The following FGGY variants were observed in gnomAD, a reference collection of about 807,000 sequenced individuals.
FGGY encodes the protein FGGY carbohydrate kinase domain-containing protein.
In FGGY, 72 loss-of-function variants were observed where a neutral mutation model predicts 71.3. The ratio of observed to expected loss-of-function variants is 1.01; its 90% CI spans 0.84 to 1.23. The LOEUF is 1.23. Ranked by LOEUF, FGGY falls within the 50% of genes most tolerant of loss-of-function variation. The pLI, the probability that FGGY is intolerant of heterozygous loss-of-function variation, is 0.00. For synonymous variants in FGGY, 251 were observed against 250.3 expected (o/e 1.00, Z -0.02); for missense variants, 668 against 682.3 (o/e 0.98, Z 0.23).
intron 3 of FGGY, among the ~76,000 whole-genome samples, chr1:59,342,506 G>A (rs770888725): frequency 3.3e-5 from 5 of 152,144 alleles, no homozygotes; most frequent in Non-Finnish European, 7.4e-5. Flanking sequence ...CCACCTAAAA[G>A]GTTAAAGTGT....
At chr1:59,542,445 CTTTTTTTTTTTTTTTTT>C (rs754831417) in intron 7 of FGGY, among the ~76,000 whole-genome samples, 1 of 34,246 alleles carries the variant, frequency 2.9e-5, no homozygotes, top group African/African-American at 1.0e-4. Flanking sequence ...ATGTTCTTTA[CTTTTTTTTTTTTTTTTT>C]TTTTTTTTTT....
rs910714888 is a variant in FGGY, at chr1:59,704,924, A to G, written c.1512+30791A>G. On this transcript the variant is annotated intron_variant, in intron 14 of 15. Transcript: ENST00000303721. The stretch of plus-strand genomic sequence containing the variant: ...CAATGATGTCCCTGTGCCTTTGCCA[A>G]TGCTGGATATTGTCAGTTGTTTAAT... Among the ~76,000 whole-genome samples, 668 of 152,324 alleles carry G rather than the reference A, an allele frequency of 4.4e-3. 12 individuals are homozygous for G. Among genetic ancestry groups the G allele is most frequent in the African/African-American group, 0.015 (635 of 41,574 alleles).
At chr1:59,513,941 T>G (rs2094577524) in intron 7 of FGGY, among the ~76,000 whole-genome samples, 1 of 152,274 alleles carries the variant, frequency 6.6e-6, no homozygotes, top group African/African-American at 2.4e-5. Context: ...CCTCAGGATC[T>G]AAAACAGTGC....
Position 59,526,331 on chromosome 1 carries a change from G to A in FGGY, c.799+13892G>A, listed in dbSNP as rs189096198. On this transcript the variant is annotated intron_variant, in intron 7 of 15. Coordinates refer to ENST00000303721, the MANE Select transcript of FGGY (RefSeq NM_018291.5). ...GAGGAAACATACCTTAATGAAGAGA[G>A]GAAATATTTCATTGTGTAAAAAGCA... is the stretch of plus-strand genomic sequence containing the variant. Among the ~76,000 whole-genome samples the A allele has an allele frequency of 2.0e-5, 3 of 152,246 alleles. No homozygotes were observed. In the East Asian group the frequency reaches 5.8e-4, roughly 29 times the overall value.
intron 11 of FGGY, chr1:59,641,232 G>A (rs754951177): frequency 2.1e-6 from 3 of 1,458,666 alleles, no homozygotes; most frequent in Non-Finnish European, 1.9e-6. Context: ...ATTGCCTTTA[G>A]CATTTTATCT....
At chr1:59,541,470 A>G (rs1484743542) in intron 7 of FGGY, among the ~76,000 whole-genome samples, 2 of 152,096 alleles carry the variant, frequency 1.3e-5, no homozygotes, top group Non-Finnish European at 2.9e-5. Context: ...TAGCTGCTCC[A>G]TCTTGTCTGG....
At chr1:59,747,698 A>C (rs1160215784) in intron 14 of FGGY, among the ~76,000 whole-genome samples, 1 of 152,216 alleles carries the variant, frequency 6.6e-6, no homozygotes, top group Admixed American at 6.5e-5. Flanking sequence ...GTTTGTTTCA[A>C]TAATTAATAT....
intron 11 of FGGY, among the ~76,000 whole-genome samples, chr1:59,651,977 G>C (rs2097167013): frequency 6.6e-6 from 1 of 150,984 alleles, no homozygotes. Flanking sequence ...GCATTTGCTT[G>C]TCTGTAAAGT....
intron 6 of FGGY, among the ~76,000 whole-genome samples, chr1:59,475,020 TATA>T (rs2093191022): frequency 6.6e-6 from 1 of 152,244 alleles, no homozygotes; most frequent in Non-Finnish European, 1.5e-5. Flanking sequence ...TTCTTACTAC[TATA>T]ATGATTGTCC....
At chr1:59,411,366 A>G (rs1399937575) in intron 5 of FGGY, among the ~76,000 whole-genome samples, 1 of 152,254 alleles carries the variant, frequency 6.6e-6, no homozygotes, top group Non-Finnish European at 1.5e-5. Flanking sequence ...ATCGTATCAC[A>G]GGTGATGTGA....
At chr1:59,306,277 C>T (rs2153085691) in intron 1 of FGGY, among the ~76,000 whole-genome samples, 1 of 152,144 alleles carries the variant, frequency 6.6e-6, no homozygotes, top group South Asian at 2.1e-4. Context: ...TTTTGAGGTA[C>T]TCAGATACCA....
chr1:59,357,362 A>G (rs571533977), intron 4 of FGGY, among the ~76,000 whole-genome samples: 1 of 152,202 alleles, frequency 6.6e-6, no homozygotes, highest in Non-Finnish European at 1.5e-5. Flanking sequence ...AAAAAATTTT[A>G]CTTTATGGCT....
intron 4 of FGGY, among the ~76,000 whole-genome samples, chr1:59,370,956 C>T (rs1227783979): frequency 6.6e-6 from 1 of 151,824 alleles, no homozygotes; most frequent in Non-Finnish European, 1.5e-5. Context: ...AAAATCATGG[C>T]AAAATGTAAA....
intron 11 of FGGY, among the ~76,000 whole-genome samples, chr1:59,658,544 G>A (rs1372743580): frequency 6.6e-6 from 1 of 152,222 alleles, no homozygotes; most frequent in African/African-American, 2.4e-5. Flanking sequence ...CATAGCTGGA[G>A]CATAGGATAC....
chr1:59,345,852 C>T (rs1290935032), intron 3 of FGGY, among the ~76,000 whole-genome samples: 5 of 152,090 alleles, frequency 3.3e-5, no homozygotes, highest in African/African-American at 1.2e-4. Flanking sequence ...TTAAAGGAGA[C>T]AGATCTTAGA....
chr1:59,596,334 TTTACCAAGGGACATA>T (rs1481965625), intron 8 of FGGY, among the ~76,000 whole-genome samples: 1 of 151,966 alleles, frequency 6.6e-6, no homozygotes, highest in Middle Eastern at 3.2e-3. Context: ...CTCTCTTGAA[TTTACCAAGGGACATA>T]TTCCATTTAG....
At chr1:59,340,288 A>G (rs1206711366) in intron 3 of FGGY, among the ~76,000 whole-genome samples, 1 of 152,208 alleles carries the variant, frequency 6.6e-6, no homozygotes, top group Non-Finnish European at 1.5e-5. Context: ...TAGGCTTTCT[A>G]AAACTCAGGA....
intron 8 of FGGY, among the ~76,000 whole-genome samples, chr1:59,589,398 G>C (rs2096381002): frequency 6.6e-6 from 1 of 152,034 alleles, no homozygotes; most frequent in Non-Finnish European, 1.5e-5. Context: ...AGTTAACAAG[G>C]ATACCCAGGA....
chr1:59,515,641 C>T (rs1184536343), intron 7 of FGGY, among the ~76,000 whole-genome samples: 2 of 152,134 alleles, frequency 1.3e-5, no homozygotes, highest in African/African-American at 4.8e-5. Flanking sequence ...CCAGTCTTTC[C>T]CATGCTGTTC....
Sources: gnomAD v4.1 joint callset for allele counts (sites outside exome capture counted in the v4.1 genomes callset) on GRCh38, gnomAD v4.1.1 for gene constraint, MANE v1.5 for transcripts, NCBI Gene and HGNC (gene_info 2026-07-23, HGNC 2026-07-21) for gene names.